ANO4: variants seen among roughly 807,000 people sequenced by gnomAD.
ANO4 encodes anoctamin-4.
A neutral mutation model predicts 141.9 loss-of-function variants in ANO4; 69 were observed. That is an observed-to-expected ratio of 0.49 (90% CI 0.40 to 0.59). ANO4 has a LOEUF of 0.59. ANO4 is among the 20% of genes least tolerant of loss of function. The probability of loss-of-function intolerance (pLI) is 0.00; values close to 1 mark genes in which losing one functional copy is unlikely to be tolerated. For missense variants in ANO4, 894 were observed against 1,162.2 expected (o/e 0.77, Z 3.36); for synonymous variants, 350 against 394.3 (o/e 0.89, Z 1.33).
intron 14 of ANO4, chr12:101,068,967 C>T (rs1027986011): frequency 7.7e-6 from 6 of 784,192 alleles, no homozygotes; most frequent in African/African-American, 3.4e-5. Flanking sequence ...CCAAAGCCCT[C>T]ATTGACTATG....
intron 17 of ANO4, among the ~76,000 whole-genome samples, chr12:101,091,907 ATAT>A (rs1464876101): frequency 1.3e-5 from 2 of 152,128 alleles, no homozygotes; most frequent in African/African-American, 4.8e-5. Flanking sequence ...TCCTAATGAA[ATAT>A]TATGCCTCTT....
intron 1 of ANO4, among the ~76,000 whole-genome samples, chr12:100,806,368 A>G (rs2035022685): frequency 6.6e-6 from 1 of 152,016 alleles, no homozygotes; most frequent in African/African-American, 2.4e-5. Context: ...CTGCTGGGTG[A>G]AAAGTAGCAT....
chr12:101,040,023 G>T lies in ANO4; in HGVS notation c.966G>T (p.Glu322Asp), dbSNP rs376366677. 1 of 1,613,282 alleles carries T rather than the reference G, an allele frequency of 6.2e-7. No homozygotes were observed. The highest frequency in any genetic ancestry group is 1.3e-5 in the African/African-American group (1 of 74,932). ...GAENHRHLLY[E>D]CWASWGVWYK... ...AAAACCACCGACATCTACTCTATGAGTGCTGGGCCTCCTGGGGCGTGTGGT... is the reference window on the plus strand; with the variant it reads ...AAAACCACCGACATCTACTCTATGATTGCTGGGCCTCCTGGGGCGTGTGGT... The change falls in exon 11 of 28, where the codon GAG becomes GAT. Residue 322 changes from glutamate to aspartate, a missense_variant. Glu to Asp is a conservative substitution (Grantham distance 45). Coordinates refer to ENST00000392977, the MANE Select transcript of ANO4 (RefSeq NM_001286615.2).
At chr12:100,929,787 C>T (rs1475039135) in intron 3 of ANO4, among the ~76,000 whole-genome samples, 3 of 152,106 alleles carry the variant, frequency 2.0e-5, no homozygotes, top group Admixed American at 1.3e-4. Context: ...TATTGCCTGT[C>T]TTTTAGATAA....
intron 3 of ANO4, among the ~76,000 whole-genome samples, chr12:100,754,877 C>G (rs1198123557): frequency 6.6e-6 from 1 of 152,066 alleles, no homozygotes. Context: ...TCCATAGAGA[C>G]AGAAAGCAGA....
intron 1 of ANO4, chr12:100,859,037 A>T (rs1260341615): frequency 6.6e-6 from 1 of 152,216 alleles, no homozygotes; most frequent in Non-Finnish European, 1.5e-5. Flanking sequence ...CATAATAAAC[A>T]AATTAGAGAA....
chr12:100,790,604 T>A (rs2034011491), upstream of ANO4, among the ~76,000 whole-genome samples: 1 of 151,978 alleles, frequency 6.6e-6, no homozygotes, highest in Admixed American at 6.6e-5. Flanking sequence ...TAATTCTCCC[T>A]GACTATTTAA....
intron 3 of ANO4, among the ~76,000 whole-genome samples, chr12:100,755,258 C>G (rs377102060): frequency 2.0e-4 from 31 of 152,198 alleles, no homozygotes; most frequent in African/African-American, 7.2e-4. Context: ...TATGCTCATC[C>G]CTCACCTGGA....
intron 24 of ANO4, among the ~76,000 whole-genome samples, chr12:101,113,683 A>C (rs1369441526): frequency 2.0e-5 from 3 of 152,214 alleles, no homozygotes; most frequent in African/African-American, 7.2e-5. Context: ...GAAATTATTG[A>C]ACTCATAAGA....
intron 1 of ANO4, among the ~76,000 whole-genome samples, chr12:100,719,968 T>C (rs887251990): frequency 6.6e-6 from 1 of 152,240 alleles, no homozygotes; most frequent in African/African-American, 2.4e-5. Flanking sequence ...ATGAATGATG[T>C]TATTTTTAGA....
At chr12:100,736,885 C>T (rs1352986875) in intron 2 of ANO4, among the ~76,000 whole-genome samples, 1 of 152,150 alleles carries the variant, frequency 6.6e-6, no homozygotes, top group Non-Finnish European at 1.5e-5. Context: ...ACAGATTCTC[C>T]TCTAGAGCCT....
At chr12:101,022,054 A>C (rs1024476937) in intron 9 of ANO4, among the ~76,000 whole-genome samples, 17 of 149,570 alleles carry the variant, frequency 1.1e-4, no homozygotes, top group South Asian at 6.4e-4. Flanking sequence ...AAAAAAAAAA[A>C]AAAAAACACC....
At chr12:100,847,516 G>A (rs1241837695) in intron 1 of ANO4, among the ~76,000 whole-genome samples, 2 of 138,226 alleles carry the variant, frequency 1.4e-5, no homozygotes, top group African/African-American at 5.4e-5. Context: ...CTGTCACTCA[G>A]GCTGGAGCGC....
At position 101,116,780 on chromosome 12, in the gene ANO4, C is replaced by T. The variant is rs2050870430; in HGVS notation, c.2552C>T (p.Thr851Ile). 1 of 1,614,096 alleles carries T rather than the reference C, an allele frequency of 6.2e-7. No individual in the cohort carries two copies. The highest frequency in any genetic ancestry group is 1.3e-5 in the African/African-American group (1 of 75,030). ...PESDGSEFSG[T>I]PLKYCRYRDY... Reference sequence around the variant, plus strand: ...TCTGATGGCAGTGAGTTCTCGGGGACTCCTCTTAAGTACTGCAGGTGAGTG... The same window carrying T: ...TCTGATGGCAGTGAGTTCTCGGGGATTCCTCTTAAGTACTGCAGGTGAGTG... The change falls in exon 25 of 28, where the codon ACT becomes ATT. Residue 851 changes from threonine (T) to isoleucine (I), a missense_variant. By Grantham distance (89) the Thr-to-Ile change is moderately conservative. Coordinates refer to ENST00000392977, the MANE Select transcript of ANO4 (RefSeq NM_001286615.2).
At chr12:100,881,946 A>G (rs778115882) in intron 1 of ANO4, among the ~76,000 whole-genome samples, 6 of 152,210 alleles carry the variant, frequency 3.9e-5, no homozygotes, top group Non-Finnish European at 8.8e-5. Flanking sequence ...GCATGGAACC[A>G]GTTACTTAAC....
intron 8 of ANO4, among the ~76,000 whole-genome samples, chr12:100,994,053 A>G (rs2045261663): frequency 6.6e-6 from 1 of 152,174 alleles, no homozygotes; most frequent in Non-Finnish European, 1.5e-5. Context: ...TAGCCACTAG[A>G]TGCTAGTAGC....
At chr12:100,792,688 A>G (rs2034087323), upstream of ANO4, among the ~76,000 whole-genome samples, 1 of 152,190 alleles carries the variant, frequency 6.6e-6, no homozygotes. Flanking sequence ...TTAATCCACT[A>G]GATAATTTGT....
chr12:101,018,056 C>T (rs1502451), intron 8 of ANO4, among the ~76,000 whole-genome samples: 1 of 152,122 alleles, frequency 6.6e-6, no homozygotes, highest in African/African-American at 2.4e-5. Context: ...TTTTGGCCTT[C>T]AATTTTCTTG....
intron 1 of ANO4, among the ~76,000 whole-genome samples, chr12:100,862,042 C>T (rs2038506832): frequency 6.6e-6 from 1 of 152,096 alleles, no homozygotes; most frequent in East Asian, 1.9e-4. Context: ...AAGGACCTGC[C>T]TGAAGCTGCT....
Sources: gnomAD v4.1 joint callset for allele counts (sites outside exome capture counted in the v4.1 genomes callset) on GRCh38, gnomAD v4.1.1 for gene constraint, MANE v1.5 for transcripts, NCBI Gene and HGNC (gene_info 2026-07-23, HGNC 2026-07-21) for gene names.